The following EVL variants were observed in gnomAD, a reference collection of about 807,000 sequenced individuals.
EVL encodes the protein Enah/Vasp-like.
EVL carries 21 observed loss-of-function variants against 59.6 expected under a neutral mutation model. That is an observed-to-expected ratio of 0.35 (90% CI 0.25 to 0.51). The LOEUF (loss-of-function observed/expected upper bound fraction) is 0.51. Ranked by LOEUF, EVL falls within the 20% of genes least tolerant of loss-of-function variation. The pLI is 0.97. For missense variants in EVL, 462 were observed against 546.6 expected (o/e 0.85, Z 1.54); for synonymous variants, 198 against 203.5 (o/e 0.97, Z 0.23).
intron 1 of EVL, among the ~76,000 whole-genome samples, chr14:100,022,523 A>G (rs547386038): frequency 1.3e-5 from 2 of 152,078 alleles, no homozygotes; most frequent in East Asian, 3.9e-4. Context: ...CATGTGATCT[A>G]CCCACCTTGG....
intron 2 of EVL, among the ~76,000 whole-genome samples, chr14:100,096,399 C>G (rs766519705): frequency 6.6e-6 from 1 of 152,212 alleles, no homozygotes. Flanking sequence ...TACTTCCATT[C>G]GTAGAGATCT....
chr14:100,049,932 G>A (rs1409598641), intron 1 of EVL, among the ~76,000 whole-genome samples: 2 of 152,102 alleles, frequency 1.3e-5, no homozygotes, highest in African/African-American at 4.8e-5. Context: ...CTTCTTTCAC[G>A]TAGCCTAATG....
rs751330144 is a variant in EVL at position 100,114,793 on chromosome 14, C to T, written c.359-8746C>T. Among the ~76,000 whole-genome samples the T allele has an allele frequency of 6.6e-6, 1 of 152,098 alleles. No homozygotes were observed. Among genetic ancestry groups the T allele is most frequent in the African/African-American group, 2.4e-5 (1 of 41,426 alleles). ...CCTCTCCTTTCACTCCCACCTGCTC[C>T]GGGGGTGGGGGTGGGAGTGCTGGAT... is the stretch of plus-strand genomic sequence containing the variant. On this transcript the variant is annotated intron_variant, in intron 3 of 13. Coordinates refer to ENST00000392920, the MANE Select transcript of EVL (RefSeq NM_016337.3). This position sits in a 1 kb window ranked among gnomAD's most constrained non-coding sequence, Gnocchi z 5.0.
At chr14:100,087,060 A>G (rs1349074069) in intron 2 of EVL, among the ~76,000 whole-genome samples, 1 of 152,186 alleles carries the variant, frequency 6.6e-6, no homozygotes, top group African/African-American at 2.4e-5. Context: ...TGGTTTTATA[A>G]CTAAATAGGG....
intron 1 of EVL, among the ~76,000 whole-genome samples, chr14:99,988,545 C>A (rs950836949): frequency 2.6e-5 from 4 of 152,138 alleles, no homozygotes; most frequent in African/African-American, 9.7e-5. Context: ...GAATGTTAGA[C>A]ATAGAGTTAC....
chr14:100,100,784 CAAAAAAAAAAAAAAAAAA>C, intron 3 of EVL, among the ~76,000 whole-genome samples: 1 of 47,684 alleles, frequency 2.1e-5, no homozygotes, highest in South Asian at 7.7e-4. Flanking sequence ...GAGTCTGTCT[CAAAAAAAAAAAAAAAAAA>C]AAAAAAATGG....
chr14:100,095,808 A>G (rs528358303), intron 2 of EVL, among the ~76,000 whole-genome samples: 1 of 152,222 alleles, frequency 6.6e-6, no homozygotes, highest in Non-Finnish European at 1.5e-5. Context: ...GCTCACTGCA[A>G]TCTCCACCTC....
intron 1 of EVL, among the ~76,000 whole-genome samples, chr14:99,999,862 G>A (rs2060935235): frequency 6.6e-6 from 1 of 152,144 alleles, no homozygotes; most frequent in South Asian, 2.1e-4. Flanking sequence ...GGCAAAAGGG[G>A]CTCTGTGCTC....
At position 100,109,519 on chromosome 14, in the gene EVL, G is replaced by A. The variant is rs749429969; in HGVS notation, c.358+11861G>A. On this transcript the variant is annotated intron_variant, in intron 3 of 13. Coordinates refer to ENST00000392920, the MANE Select transcript of EVL (RefSeq NM_016337.3). The surrounding 1 kb of genome is among the most constrained non-coding windows in gnomAD (Gnocchi z 4.3). ...AGAGACTGACACATCAGAGGTGTCT[G>A]GTGACTGAACAAGCTCCCAGCTTGC... 26 of 465,406 alleles carry A rather than the reference G, an allele frequency of 5.6e-5. No individual in the cohort carries two copies. Among genetic ancestry groups the A allele is most frequent in the South Asian group, 3.9e-4 (25 of 64,006 alleles). The allele number at this position is 465,406 out of a possible 1,614,324, so 28.8% of individuals were successfully genotyped here. A position where few individuals can be genotyped will look rare whatever the true frequency, so the allele number is the denominator to read the frequency against.
chr14:100,135,863 C>G (rs1292205400), intron 8 of EVL, 42 bp from the exon 9 acceptor site: 4 of 1,596,226 alleles, frequency 2.5e-6, no homozygotes, highest in Non-Finnish European at 2.6e-6. Context: ...GCCCTGGCCC[C>G]AGGTGGCCTT....
chr14:100,103,063 C>G (rs1035113794), intron 3 of EVL, among the ~76,000 whole-genome samples: 11 of 146,390 alleles, frequency 7.5e-5, no homozygotes, highest in African/African-American at 2.1e-4. Flanking sequence ...GATCGCCTCA[C>G]TGCACTCCAG....
At chr14:100,142,539 T>C (rs977294174) in intron 13 of EVL, among the ~76,000 whole-genome samples, 1 of 152,160 alleles carries the variant, frequency 6.6e-6, no homozygotes, top group Non-Finnish European at 1.5e-5. Context: ...CCTGGGTGTG[T>C]AGCTGGGTCT....
chr14:100,070,262 A>AC (rs1274599605), intron 1 of EVL, among the ~76,000 whole-genome samples: 1 of 151,976 alleles, frequency 6.6e-6, no homozygotes, highest in Non-Finnish European at 1.5e-5. Context: ...GCAAGACCCT[A>AC]CCTCAAAAAG....
At chr14:100,052,831 G>A (rs749399692) in intron 1 of EVL, 2 of 152,174 alleles carry the variant, frequency 1.3e-5, no homozygotes, top group Admixed American at 6.5e-5. Flanking sequence ...TTGGGCTGCT[G>A]TAGCAAAATA....
At chr14:100,053,438 C>T (rs1365487568) in intron 1 of EVL, among the ~76,000 whole-genome samples, 1 of 80,764 alleles carries the variant, frequency 1.2e-5, no homozygotes, top group African/African-American at 5.1e-5. Flanking sequence ...TAAAATTTGT[C>T]AGTGTCTGCA....
chr14:99,982,670 G>A (rs886997166), intron 1 of EVL, among the ~76,000 whole-genome samples: 7 of 152,184 alleles, frequency 4.6e-5, no homozygotes, highest in Non-Finnish European at 8.8e-5. Context: ...CTCTGTGAGC[G>A]ATTCATACGA....
At position 100,007,586 on chromosome 14, in the gene EVL, T is replaced by G. The variant is rs560715677; in HGVS notation, c.5+35529T>G. On this transcript the variant is annotated intron_variant, in intron 1 of 13. Coordinates refer to the EVL transcript ENST00000402714. ...GATACCCTTGGGAACTAGATATAGC[T>G]GCTTGCTGTGAGAGTGACTGGCCAA... 2.0e-5 allele frequency among the ~76,000 whole-genome samples: 3 copies of G among 152,352 alleles called. No homozygotes were observed. In the South Asian group the frequency reaches 6.2e-4, roughly 32 times the overall value.
At chr14:100,045,251 C>T (rs1173170833) in intron 1 of EVL, among the ~76,000 whole-genome samples, 1 of 152,182 alleles carries the variant, frequency 6.6e-6, no homozygotes, top group Non-Finnish European at 1.5e-5. Context: ...CTGCCTTAAT[C>T]CTCTGTTCCT....
chr14:100,007,123 T>C (rs2060987486), intron 1 of EVL, among the ~76,000 whole-genome samples: 1 of 152,092 alleles, frequency 6.6e-6, no homozygotes, highest in South Asian at 2.1e-4. Context: ...CCTCAACAGG[T>C]CCTGACGATA....
Sources: allele counts gnomAD v4.1 joint callset (sites outside exome capture counted in the v4.1 genomes callset), GRCh38; gene constraint gnomAD v4.1.1; non-coding constraint Gnocchi (gnomAD v3.1); transcripts MANE v1.5; gene names NCBI Gene and HGNC (gene_info 2026-07-23, HGNC 2026-07-21).